The following ZYX variants were observed in gnomAD, a reference collection of about 807,000 sequenced individuals.
ZYX encodes zyxin, also known as zyxin-2.
ZYX carries 37 observed loss-of-function variants against 58.1 expected under a neutral mutation model. That is an observed-to-expected ratio of 0.64 (90% CI 0.49 to 0.84). ZYX has a LOEUF of 0.84. Among genes scored for constraint, ZYX ranks in the 40% least tolerant of loss-of-function variants. The pLI is 0.00. For synonymous variants in ZYX, 324 were observed against 321.1 expected, an observed-to-expected ratio of 1.01 and a Z score of -0.10; for missense variants, 762 against 761.6, an observed-to-expected ratio of 1.00 and a Z score of -0.01.
Position 143,389,386 on chromosome 7 carries a change from C to A in ZYX, c.1493+441C>A, listed in dbSNP as rs1804989273. ...GGAACAGTGCAGAATCTGACCCCCA[C>A]CTCTGACAGAGTGTTTGGGTAAACA... On this transcript the variant is annotated intron_variant, in intron 8 of 9. Transcript: ENST00000322764. This position sits in a 1 kb window ranked among gnomAD's most constrained non-coding sequence, Gnocchi z 5.6. 6.6e-6 allele frequency among the ~76,000 whole-genome samples: 1 copy of A among 152,190 alleles called. No homozygotes were observed. Among genetic ancestry groups the A allele is most frequent in the Admixed American group, 6.5e-5 (1 of 15,274 alleles).
chr7:143,388,149 G>A lies in ZYX; in HGVS notation c.1024-70G>A, dbSNP rs866594160. 1.3e-4 allele frequency: 202 copies of A among 1,519,682 alleles called. 1 individual carries two copies. In the Middle Eastern group the frequency reaches 1.5e-3, roughly 12 times the overall value. The allele number at this position is 1,519,682 out of a possible 1,614,324, so 94.1% of individuals were successfully genotyped here. On this transcript the variant is annotated intron_variant, in intron 5 of 9. Transcript: ENST00000322764. This position sits in a 1 kb window ranked among gnomAD's most constrained non-coding sequence, Gnocchi z 7.5. ...GCTAAGCCTCATCGGAAGAAGCCGG[G>A]TAGGCTGGCCTGGGAAGGTTCTTGG...
At chr7:143,386,034 GTGTA>G (rs1316110470) in intron 5 of ZYX, among the ~76,000 whole-genome samples, 5 of 105,900 alleles carry the variant, frequency 4.7e-5, no homozygotes, top group Non-Finnish European at 1.2e-4. Context: ...ATATGTGTGA[GTGTA>G]TGTGAGTGGT....
In ZYX at chr7:143,382,599, G is replaced by T. The variant is rs200212686; in HGVS notation, c.415G>T (p.Glu139Ter). 1 of 1,613,872 alleles carries T rather than the reference G, an allele frequency of 6.2e-7. No individual in the cohort carries two copies. Among genetic ancestry groups the T allele is most frequent in the African/African-American group, 1.3e-5 (1 of 74,894 alleles). Reference protein sequence around the residue: ...APIPPPPQPREKVSSIDLEID... With the variant: ...APIPPPPQPR Reference sequence around the variant, plus strand: ...CTGACCTCTGACCCTCTAGCCCAGGGAGAAGGTGAGCAGTATTGATTTGGA... The same window carrying T: ...CTGACCTCTGACCCTCTAGCCCAGGTAGAAGGTGAGCAGTATTGATTTGGA... Residue 139 changes from glutamate (E) to a stop codon, truncating the protein, a stop_gained, in exon 4 of 10, where the codon GAG (glutamate) becomes TAG (stop). Transcript: ENST00000322764. LOFTEE classifies it high-confidence loss of function.
At position 143,388,136 on chromosome 7, in the gene ZYX, C is replaced by T. The variant is rs918649588; in HGVS notation, c.1024-83C>T. 10 of 1,489,894 alleles carry T rather than the reference C, an allele frequency of 6.7e-6. No individual in the cohort carries two copies. Among genetic ancestry groups the T allele is most frequent in the Non-Finnish European group, 1.8e-6 (2 of 1,111,650 alleles). 92.3% of individuals were successfully genotyped at this position (1,489,894 alleles called of 1,614,324 possible). A position where few individuals can be genotyped will look rare whatever the true frequency, so the allele number is the denominator to read the frequency against. ...ACACGAGCTGGGAGCTAAGCCTCAT[C>T]GGAAGAAGCCGGGTAGGCTGGCCTG... On this transcript the variant is annotated intron_variant, in intron 5 of 9. Transcript: ENST00000322764. This position sits in a 1 kb window ranked among gnomAD's most constrained non-coding sequence, Gnocchi z 7.5.
chr7:143,389,988 C>A lies in ZYX; in HGVS notation c.1614+11C>A, dbSNP rs1237282855. On this transcript the variant is annotated intron_variant, in intron 9 of 9. Transcript: ENST00000322764. This position sits in a 1 kb window ranked among gnomAD's most constrained non-coding sequence, Gnocchi z 5.6. ...TGTTACAAGTGTGAGGTCAGCCATC[C>A]CTCTGGACTCCTTGGGCAGGTTCTG... is the stretch of plus-strand genomic sequence containing the variant. 1.9e-6 allele frequency: 3 copies of A among 1,613,654 alleles called. No individual in the cohort carries two copies. In the Admixed American group the frequency reaches 5.0e-5, roughly 27 times the overall value.
Position 143,384,194 on chromosome 7 carries a change from C to T in ZYX, c.1023+872C>T, listed in dbSNP as rs1452350276. 6.4e-6 allele frequency: 3 copies of T among 471,614 alleles called. No individual in the cohort carries two copies. The highest frequency in any genetic ancestry group is 4.0e-5 in the African/African-American group (2 of 50,048). 29.2% of individuals were successfully genotyped at this position (471,614 alleles called of 1,614,324 possible). A position where few individuals can be genotyped will look rare whatever the true frequency, so the allele number is the denominator to read the frequency against. On this transcript the variant is annotated intron_variant, in intron 5 of 9. Transcript: ENST00000322764. This position sits in a 1 kb window ranked among gnomAD's most constrained non-coding sequence, Gnocchi z 4.9. ...GATAGTGTTGATGTCTACCTACACT[C>T]GGACACAGCATAGGAAGAAATGCCA...
At position 143,381,656 on chromosome 7, in the gene ZYX, G is replaced by C; in HGVS notation, c.85G>C (p.Val29Leu). ...CGCCCCGCAGAAGAAGTTCGGCCCTGTGGTGGCCCCAAAGCCCAAAGTGAA... is the reference window on the plus strand; with the variant it reads ...CGCCCCGCAGAAGAAGTTCGGCCCTCTGGTGGCCCCAAAGCCCAAAGTGAA... ...FYAPQKKFGP[V>L]VAPKPKVNPF... The change falls in exon 2 of 10, where the codon GTG becomes CTG. Residue 29 changes from valine (V) to leucine (L), a missense_variant. Transcript: ENST00000322764. 1 of 1,612,216 alleles carries C rather than the reference G, an allele frequency of 6.2e-7. No homozygotes were observed. The highest frequency in any genetic ancestry group is 8.5e-7 in the Non-Finnish European group (1 of 1,179,588).
rs889817136 is a variant in ZYX at position 143,387,623 on chromosome 7, G to A, written c.1024-596G>A. 21 of 454,572 alleles carry A rather than the reference G, an allele frequency of 4.6e-5. No individual in the cohort carries two copies. Among genetic ancestry groups the A allele is most frequent in the African/African-American group, 4.2e-4 (21 of 49,868 alleles). The allele number at this position is 454,572 out of a possible 1,614,324, so 28.2% of individuals were successfully genotyped here. On this transcript the variant is annotated intron_variant, in intron 5 of 9. Transcript: ENST00000322764. The surrounding 1 kb of genome is among the most constrained non-coding windows in gnomAD (Gnocchi z 5.8). ...TTGGACCTTCTCTGAGGCTGCTGGG[G>A]AGGGACCTGAGTGAGGTAGTTCAGA...
In ZYX at chr7:143,384,250, G is replaced by A. The variant is rs553397630; in HGVS notation, c.1023+928G>A. On this transcript the variant is annotated intron_variant, in intron 5 of 9. Transcript: ENST00000322764. The surrounding 1 kb of genome is among the most constrained non-coding windows in gnomAD (Gnocchi z 4.9). ...CAGTGAGCTTTGCAGAATCCTGTGAGTCACAGGCACTCAGACCAGGGAGTC... is the reference window on the plus strand; with the variant it reads ...CAGTGAGCTTTGCAGAATCCTGTGAATCACAGGCACTCAGACCAGGGAGTC... 4.2e-6 allele frequency: 2 copies of A among 471,710 alleles called. No individual in the cohort carries two copies. The highest frequency in any genetic ancestry group is 6.9e-5 in the East Asian group (1 of 14,390). The allele number at this position is 471,710 out of a possible 1,614,324, so 29.2% of individuals were successfully genotyped here.
At position 143,384,112 on chromosome 7, in the gene ZYX, T is replaced by C. The variant is rs1804771413; in HGVS notation, c.1023+790T>C. 2.2e-6 allele frequency: 1 copy of C among 450,754 alleles called. No homozygotes were observed. The highest frequency in any genetic ancestry group is 3.4e-4 in the Middle Eastern group (1 of 2,966). 27.9% of individuals were successfully genotyped at this position (450,754 alleles called of 1,614,324 possible). A position where few individuals can be genotyped will look rare whatever the true frequency, so the allele number is the denominator to read the frequency against. ...TAGTTCAGGAAATAAGATCGTCCAATTTCTGGTGACGAAGATGACCCTGAT... is the reference window on the plus strand; with the variant it reads ...TAGTTCAGGAAATAAGATCGTCCAACTTCTGGTGACGAAGATGACCCTGAT... On this transcript the variant is annotated intron_variant, in intron 5 of 9. Transcript: ENST00000322764. The surrounding 1 kb of genome is among the most constrained non-coding windows in gnomAD (Gnocchi z 4.9).
rs529048098 is a variant in ZYX at position 143,389,989 on chromosome 7, C to A, written c.1614+12C>A. ...GTTACAAGTGTGAGGTCAGCCATCC[C>A]TCTGGACTCCTTGGGCAGGTTCTGA... On this transcript the variant is annotated intron_variant, in intron 9 of 9. Coordinates refer to ENST00000322764, the MANE Select transcript of ZYX (RefSeq NM_003461.5). The surrounding 1 kb of genome is among the most constrained non-coding windows in gnomAD (Gnocchi z 5.6). The A allele has an allele frequency of 3.8e-5, 61 of 1,613,688 alleles. No individual in the cohort carries two copies. The highest frequency in any genetic ancestry group is 5.0e-5 in the Non-Finnish European group (59 of 1,179,744).
Position 143,381,411 on chromosome 7 carries a change from T to C in ZYX, c.-16+2T>C. On this transcript the variant is annotated splice_donor_variant, in intron 1 of 9. Transcript: ENST00000322764. LOFTEE classifies it low-confidence loss of function (5UTR_SPLICE). ...GCGGCGCGCACGCTCCGGCCTGCGGTGAGGCGCGGGGAGCGGCAGGGCGGC... is the reference window on the plus strand; with the variant it reads ...GCGGCGCGCACGCTCCGGCCTGCGGCGAGGCGCGGGGAGCGGCAGGGCGGC... The C allele has an allele frequency of 1.6e-6, 2 of 1,224,828 alleles. No homozygotes were observed. Among genetic ancestry groups the C allele is most frequent in the Non-Finnish European group, 2.0e-6 (2 of 982,062 alleles). 75.9% of individuals were successfully genotyped at this position (1,224,828 alleles called of 1,614,324 possible). A position where few individuals can be genotyped will look rare whatever the true frequency, so the allele number is the denominator to read the frequency against.
chr7:143,385,746 C>T (rs62472689), intron 5 of ZYX, among the ~76,000 whole-genome samples: 3 of 134,416 alleles, frequency 2.2e-5, no homozygotes, highest in Non-Finnish European at 4.6e-5. Context: ...CTGGCTCAAA[C>T]GATTCTCCTG....
In ZYX at chr7:143,384,443, T is replaced by C. The variant is rs1222355475; in HGVS notation, c.1023+1121T>C. ...TGGAGGGTGTAGGAGGTGAAGTGGCTCACCCAAGGAGCTCTTGAGCACTGG... is the reference window on the plus strand; with the variant it reads ...TGGAGGGTGTAGGAGGTGAAGTGGCCCACCCAAGGAGCTCTTGAGCACTGG... On this transcript the variant is annotated intron_variant, in intron 5 of 9. Transcript: ENST00000322764. This position sits in a 1 kb window ranked among gnomAD's most constrained non-coding sequence, Gnocchi z 4.9. Among the ~76,000 whole-genome samples, 1 of 152,114 alleles carries C rather than the reference T, an allele frequency of 6.6e-6. No homozygotes were observed. Among genetic ancestry groups the C allele is most frequent in the Non-Finnish European group, 1.5e-5 (1 of 68,012 alleles).
rs1247268683 is a variant in ZYX at position 143,387,448 on chromosome 7, G to A, written c.1024-771G>A. Among the ~76,000 whole-genome samples, 8 of 152,296 alleles carry A rather than the reference G, an allele frequency of 5.3e-5. No individual in the cohort carries two copies. The highest frequency in any genetic ancestry group is 2.1e-4 in the South Asian group (1 of 4,832). The stretch of plus-strand genomic sequence containing the variant: ...ACTTGCTCCTGTGGGCGTGTCTCCC[G>A]GCAGTGCTGATGCAGGTCAGACAGC... On this transcript the variant is annotated intron_variant, in intron 5 of 9. Transcript: ENST00000322764. This position sits in a 1 kb window ranked among gnomAD's most constrained non-coding sequence, Gnocchi z 5.8.
At position 143,387,204 on chromosome 7, in the gene ZYX, C is replaced by T. The variant is rs1016561161; in HGVS notation, c.1024-1015C>T. On this transcript the variant is annotated intron_variant, in intron 5 of 9. Coordinates refer to ENST00000322764, the MANE Select transcript of ZYX (RefSeq NM_003461.5). This position sits in a 1 kb window ranked among gnomAD's most constrained non-coding sequence, Gnocchi z 5.8. ...GTTGGACTTATATGGACGCATGCTT[C>T]ACTGGGCAGAAAGGACGCAACTCTG... Among the ~76,000 whole-genome samples the T allele has an allele frequency of 2.0e-5, 3 of 152,030 alleles. No individual in the cohort carries two copies. The highest frequency in any genetic ancestry group is 7.3e-5 in the African/African-American group (3 of 41,360).
chr7:143,390,590 C>T lies in ZYX; in HGVS notation c.1627C>T (p.Pro543Ser), dbSNP rs1352020063. Residue 543 changes from proline (P) to serine (S), a missense_variant, in exon 10 of 10, where the codon CCC (proline) becomes TCC (serine). Pro to Ser is a moderately conservative substitution (Grantham distance 74). Coordinates refer to ENST00000322764, the MANE Select transcript of ZYX (RefSeq NM_003461.5). The surrounding 1 kb of genome is among the most constrained non-coding windows in gnomAD (Gnocchi z 4.3). ...KCYKCEDCGK[P>S]LSIEADDNGC... The stretch of plus-strand genomic sequence containing the variant: ...TCCTTCTTCCCAGGACTGCGGGAAG[C>T]CCCTGTCGATTGAGGCAGATGACAA... 6 of 1,569,772 alleles carry T rather than the reference C, an allele frequency of 3.8e-6. No individual in the cohort carries two copies. Among genetic ancestry groups the T allele is most frequent in the East Asian group, 2.3e-5 (1 of 42,994 alleles).
Position 143,383,224 on chromosome 7 carries a change from C to T in ZYX, c.925C>T (p.Pro309Ser), listed in dbSNP as rs780770476. ...AGCTCTTTCTGCTGGCACAGGCTCC[C>T]CTCAACCTCCCAGCTTCACCTATGC... The part of the protein sequence containing the change: ...PEALSAGTGS[P>S]QPPSFTYAQQ... Residue 309 changes from proline (P) to serine (S), a missense_variant, in exon 5 of 10, where the codon CCT becomes TCT. By Grantham distance (74) the Pro-to-Ser change is moderately conservative. Transcript: ENST00000322764. The T allele has an allele frequency of 1.3e-5, 21 of 1,614,044 alleles. No individual in the cohort carries two copies. Among genetic ancestry groups the T allele is most frequent in the East Asian group, 1.1e-4 (5 of 44,864 alleles).
chr7:143,383,229 A>AG lies in ZYX; in HGVS notation c.930_931insG (p.Pro311AlafsTer129). 1 of 1,613,708 alleles carries AG rather than the reference A, an allele frequency of 6.2e-7. No individual in the cohort carries two copies. The highest frequency in any genetic ancestry group is 8.5e-7 in the Non-Finnish European group (1 of 1,179,950). ...TTTCTGCTGGCACAGGCTCCCCTCA[A>AG]CCTCCCAGCTTCACCTATGCCCAGC... On this transcript the variant is annotated frameshift_variant, in exon 5 of 10. Coordinates refer to ENST00000322764, the MANE Select transcript of ZYX (RefSeq NM_003461.5). LOFTEE classifies it high-confidence loss of function.
Sources: allele counts gnomAD v4.1 joint callset (sites outside exome capture counted in the v4.1 genomes callset), GRCh38; gene constraint gnomAD v4.1.1; non-coding constraint Gnocchi (gnomAD v3.1); transcripts MANE v1.5; gene names NCBI Gene and HGNC (gene_info 2026-07-23, HGNC 2026-07-21).